The following CD58 variants were observed in gnomAD, a reference collection of about 807,000 sequenced individuals.
CD58 encodes lymphocyte function-associated antigen 3.
Under a neutral mutation model 27.6 loss-of-function variants are expected in CD58, and 14 were observed. That is an observed-to-expected ratio of 0.51 (90% confidence interval 0.34 to 0.79). CD58 has a LOEUF of 0.79. CD58 is among the 30% of genes least tolerant of loss of function. CD58 has a pLI of 0.02. For missense variants in CD58, 268 were observed against 301.7 expected (o/e 0.89, Z 0.83); for synonymous variants, 117 against 103.8 (o/e 1.13, Z -0.77).
In CD58 at chr1:116,570,344, G is replaced by A. The variant is rs3176851; in HGVS notation, c.70+559C>T. 1.2e-3 allele frequency among the ~76,000 whole-genome samples: 187 copies of A among 152,338 alleles called. No individual in the cohort carries two copies. Among genetic ancestry groups the A allele is most frequent in the African/African-American group, 4.3e-3 (178 of 41,582 alleles). ...GCACCACTTAGGAATCCCAACGTGAGGCCGCTGCCGACTGGGCTTCCTAGT... is the reference window on the plus strand; with the variant it reads ...GCACCACTTAGGAATCCCAACGTGAAGCCGCTGCCGACTGGGCTTCCTAGT... On this transcript the variant is annotated intron_variant, in intron 1 of 5. Coordinates refer to ENST00000369489, the MANE Select transcript of CD58 (RefSeq NM_001779.3). This position sits in a 1 kb window ranked among gnomAD's most constrained non-coding sequence, Gnocchi z 6.4.
Position 116,536,003 on chromosome 1 carries a change from G to C in CD58, c.590C>G (p.Thr197Arg). The C allele has an allele frequency of 6.2e-7, 1 of 1,612,146 alleles. No homozygotes were observed. Among genetic ancestry groups the C allele is most frequent in the Non-Finnish European group, 8.5e-7 (1 of 1,179,208 alleles). Residue 197 changes from threonine (T) to arginine (R), a missense_variant, in exon 3 of 6, where the codon ACA becomes AGA. Thr to Arg is a moderately conservative substitution (Grantham distance 71). Coordinates refer to ENST00000369489, the MANE Select transcript of CD58 (RefSeq NM_001779.3). This position sits in a 1 kb window ranked among gnomAD's most constrained non-coding sequence, Gnocchi z 5.4. ...CTLSNPLFNT[T>R]SSIILTTCIP... ...ACAGGTTGTCAAAATGATTGATGAT[G>C]TTGTATTAAATAATGGATTGCTAAG...
In CD58 at chr1:116,514,798, A is replaced by T. The variant is rs374215647; in HGVS notation, c.*15T>A. On this transcript the variant is annotated 3_prime_UTR_variant, in exon 6 of 6. Transcript: ENST00000369489. ...ATAATTTAGTTATGCTGTTGTCTTC[A>T]TCTTCTGTTACCAATCAATTGGAGC... The T allele has an allele frequency of 2.0e-6, 3 of 1,509,836 alleles. No individual in the cohort carries two copies. The highest frequency in any genetic ancestry group is 2.7e-6 in the Non-Finnish European group (3 of 1,091,252). The allele number at this position is 1,509,836 out of a possible 1,614,324, so 93.5% of individuals were successfully genotyped here. A position where few individuals can be genotyped will look rare whatever the true frequency, so the allele number is the denominator to read the frequency against.
In CD58 at chr1:116,517,782, C is replaced by G. The variant is rs1399919984; in HGVS notation, c.743+1449G>C. ...TGTCCAGATGAAGAGGCGCCCCAAT[C>G]CGTAACTCTAGCGTGAAGCCCACGC... On this transcript the variant is annotated intron_variant, in intron 5 of 5. Coordinates refer to ENST00000369489, the MANE Select transcript of CD58 (RefSeq NM_001779.3). The surrounding 1 kb of genome is among the most constrained non-coding windows in gnomAD (Gnocchi z 6.5). Among the ~76,000 whole-genome samples, 1 of 152,152 alleles carries G rather than the reference C, an allele frequency of 6.6e-6. No homozygotes were observed. The highest frequency in any genetic ancestry group is 2.4e-5 in the African/African-American group (1 of 41,422).
rs1439555104 is a variant in CD58, at chr1:116,531,123, T to C, written c.628+4842A>G. On this transcript the variant is annotated intron_variant, in intron 3 of 5. Transcript: ENST00000369489. The surrounding 1 kb of genome is among the most constrained non-coding windows in gnomAD (Gnocchi z 4.5). ...TTCAAATCAATAAGAGGAATATCAT[T>C]CCTCTTATGATCTTTTACCAGACTA... is the stretch of plus-strand genomic sequence containing the variant. Among the ~76,000 whole-genome samples the C allele has an allele frequency of 6.6e-6, 1 of 152,228 alleles. No homozygotes were observed. The highest frequency in any genetic ancestry group is 1.5e-5 in the Non-Finnish European group (1 of 68,038).
At chr1:116,518,073 T>G (rs983162687) in intron 5 of CD58, among the ~76,000 whole-genome samples, 4 of 152,228 alleles carry the variant, frequency 2.6e-5, no homozygotes, top group African/African-American at 9.6e-5. Flanking sequence ...GTTATTTCTA[T>G]GTGATTATCT....
At chr1:116,565,243 G>A (rs1398769999) in intron 1 of CD58, among the ~76,000 whole-genome samples, 1 of 152,086 alleles carries the variant, frequency 6.6e-6, no homozygotes, top group African/African-American at 2.4e-5. Context: ...ATATTTAAAA[G>A]GCCCTAAAAA....
At position 116,522,073 on chromosome 1, in the gene CD58, A is replaced by G. The variant is rs953557577; in HGVS notation, c.629-90T>C. 1.6e-6 allele frequency: 1 copy of G among 635,558 alleles called. No individual in the cohort carries two copies. Among genetic ancestry groups the G allele is most frequent in the Admixed American group, 3.0e-5 (1 of 33,802 alleles). The allele number at this position is 635,558 out of a possible 1,614,324, so 39.4% of individuals were successfully genotyped here. A position where few individuals can be genotyped will look rare whatever the true frequency, so the allele number is the denominator to read the frequency against. ...GCAGATTCCACCTTGCGGTTTGCTT[A>G]TTTACTGAAATTTATTTGTAATCCA... On this transcript the variant is annotated intron_variant, in intron 3 of 5. Transcript: ENST00000369489. The surrounding 1 kb of genome is among the most constrained non-coding windows in gnomAD (Gnocchi z 4.6).
Position 116,552,370 on chromosome 1 carries a change from C to T in CD58, c.71-7766G>A, listed in dbSNP as rs1167938816. Reference sequence around the variant, plus strand: ...GATCACTGATCACAGATCACCATAACAGATATGATAATGAAAAAGCGTTAA... The same window carrying T: ...GATCACTGATCACAGATCACCATAATAGATATGATAATGAAAAAGCGTTAA... On this transcript the variant is annotated intron_variant, in intron 1 of 5. Coordinates refer to ENST00000369489, the MANE Select transcript of CD58 (RefSeq NM_001779.3). The surrounding 1 kb of genome is among the most constrained non-coding windows in gnomAD (Gnocchi z 4.5). Among the ~76,000 whole-genome samples the T allele has an allele frequency of 6.6e-6, 1 of 152,156 alleles. No individual in the cohort carries two copies. The highest frequency in any genetic ancestry group is 2.4e-5 in the African/African-American group (1 of 41,426).
At chr1:116,567,390 C>T (rs1029891949) in intron 1 of CD58, among the ~76,000 whole-genome samples, 3 of 151,842 alleles carry the variant, frequency 2.0e-5, no homozygotes, top group South Asian at 2.1e-4. Context: ...AATCCCAACA[C>T]TTCGGTAGGC....
rs138573802 is a variant in CD58, at chr1:116,523,988, T to C, written c.629-2005A>G. 1.4e-3 allele frequency among the ~76,000 whole-genome samples: 215 copies of C among 152,264 alleles called. 3 individuals are homozygous for C. The highest frequency in any genetic ancestry group is 0.01 in the Middle Eastern group (3 of 294). ...ACTGATGTGTTTCAATCTACTGAAG[T>C]TGTTATTCTTATTGATGTTCCAATT... On this transcript the variant is annotated intron_variant, in intron 3 of 5. Coordinates refer to ENST00000369489, the MANE Select transcript of CD58 (RefSeq NM_001779.3). The surrounding 1 kb of genome is among the most constrained non-coding windows in gnomAD (Gnocchi z 4.4).
At chr1:116,567,785 G>C (rs1658989419) in intron 1 of CD58, among the ~76,000 whole-genome samples, 1 of 152,058 alleles carries the variant, frequency 6.6e-6, no homozygotes, top group Non-Finnish European at 1.5e-5. Flanking sequence ...TACTTACAAA[G>C]GTAAAATGGT....
Position 116,559,248 on chromosome 1 carries a change from T to C in CD58, c.70+11655A>G, listed in dbSNP as rs1658675959. 6.6e-6 allele frequency among the ~76,000 whole-genome samples: 1 copy of C among 152,114 alleles called. No individual in the cohort carries two copies. Among genetic ancestry groups the C allele is most frequent in the Admixed American group, 6.5e-5 (1 of 15,272 alleles). Reference sequence around the variant, plus strand: ...GTGAGAGTGAGAAAGGAGTTATTTCTTGAGAACACGCCTATCAAAGTAAGG... The same window carrying C: ...GTGAGAGTGAGAAAGGAGTTATTTCCTGAGAACACGCCTATCAAAGTAAGG... On this transcript the variant is annotated intron_variant, in intron 1 of 5. Coordinates refer to ENST00000369489, the MANE Select transcript of CD58 (RefSeq NM_001779.3). This position sits in a 1 kb window ranked among gnomAD's most constrained non-coding sequence, Gnocchi z 4.4.
Position 116,550,035 on chromosome 1 carries a change from A to T in CD58, c.71-5431T>A, listed in dbSNP as rs1181675427. The stretch of plus-strand genomic sequence containing the variant: ...TAAAAAATACTTTATTGCTGAAAAA[A>T]AAAACATGCTAACAATCATTTGAGC... On this transcript the variant is annotated intron_variant, in intron 1 of 5. Coordinates refer to ENST00000369489, the MANE Select transcript of CD58 (RefSeq NM_001779.3). The surrounding 1 kb of genome is among the most constrained non-coding windows in gnomAD (Gnocchi z 4.2). Among the ~76,000 whole-genome samples, 3 of 152,210 alleles carry T rather than the reference A, an allele frequency of 2.0e-5. No individual in the cohort carries two copies. Among genetic ancestry groups the T allele is most frequent in the African/African-American group, 7.2e-5 (3 of 41,452 alleles).
rs1658199579 is a variant in CD58, at chr1:116,546,964, A to G, written c.71-2360T>C. On this transcript the variant is annotated intron_variant, in intron 1 of 5. Transcript: ENST00000369489. This position sits in a 1 kb window ranked among gnomAD's most constrained non-coding sequence, Gnocchi z 4.1. ...TTTGATGATCCACTTTCACTTAGTA[A>G]GTATATTTTCTTCCTTATGCTTTTT... is the stretch of plus-strand genomic sequence containing the variant. 6.6e-6 allele frequency among the ~76,000 whole-genome samples: 1 copy of G among 152,028 alleles called. No homozygotes were observed. The highest frequency in any genetic ancestry group is 2.1e-4 in the South Asian group (1 of 4,814).
intron 1 of CD58, among the ~76,000 whole-genome samples, chr1:116,551,471 C>G (rs529321996): frequency 1.3e-5 from 2 of 152,218 alleles, no homozygotes; most frequent in Non-Finnish European, 2.9e-5. Flanking sequence ...CCTCTCTCAG[C>G]CTTCACAGAA....
rs1019260177 is a variant in CD58 at position 116,563,346 on chromosome 1, C to T, written c.70+7557G>A. On this transcript the variant is annotated intron_variant, in intron 1 of 5. Coordinates refer to ENST00000369489, the MANE Select transcript of CD58 (RefSeq NM_001779.3). This position sits in a 1 kb window ranked among gnomAD's most constrained non-coding sequence, Gnocchi z 4.1. ...AGTGTCTGTGGCTTTTCCAGGTACA[C>T]GGTGCAAGCTCTCGGTGGATCTACC... Among the ~76,000 whole-genome samples, 4 of 151,886 alleles carry T rather than the reference C, an allele frequency of 2.6e-5. No homozygotes were observed. Among genetic ancestry groups the T allele is most frequent in the East Asian group, 1.9e-4 (1 of 5,154 alleles).
In CD58 at chr1:116,536,086, G is replaced by A; in HGVS notation, c.507C>T (p.Asn169=). 1 of 1,613,786 alleles carries A rather than the reference G, an allele frequency of 6.2e-7. No individual in the cohort carries two copies. The highest frequency in any genetic ancestry group is 8.5e-7 in the Non-Finnish European group (1 of 1,179,842). The change falls in exon 3 of 6, where the codon AAC becomes AAT. Residue 169 remains asparagine (N), a synonymous_variant. Coordinates refer to ENST00000369489, the MANE Select transcript of CD58 (RefSeq NM_001779.3). The surrounding 1 kb of genome is among the most constrained non-coding windows in gnomAD (Gnocchi z 5.4). ...WDCPMEQCKR[N]STSIYFKMEN... ...CCATCTTAAAATATATACTGGTTGAGTTACGTTTACATTGCTCCATAGGAC... is the reference window on the plus strand; with the variant it reads ...CCATCTTAAAATATATACTGGTTGAATTACGTTTACATTGCTCCATAGGAC...
At chr1:116,544,056 C>T (rs1306259824) in intron 2 of CD58, among the ~76,000 whole-genome samples, 1 of 152,212 alleles carries the variant, frequency 6.6e-6, no homozygotes, top group Non-Finnish European at 1.5e-5. Context: ...GCTGTCACTA[C>T]ATCTCTTTCC....
Position 116,531,601 on chromosome 1 carries a change from T to G in CD58, c.628+4364A>C, listed in dbSNP as rs1010670316. ...TTGCTCCAAGCTTAACTATTTTAAC[T>G]TTGCAGCTCGTTTTAAAAACTTCTT... On this transcript the variant is annotated intron_variant, in intron 3 of 5. Transcript: ENST00000369489. This position sits in a 1 kb window ranked among gnomAD's most constrained non-coding sequence, Gnocchi z 4.5. 2.6e-5 allele frequency among the ~76,000 whole-genome samples: 4 copies of G among 152,242 alleles called. No homozygotes were observed. The East Asian group carries it at 7.7e-4, about 29-fold the overall frequency.
Sources: allele counts gnomAD v4.1 joint callset (sites outside exome capture counted in the v4.1 genomes callset), GRCh38; gene constraint gnomAD v4.1.1; non-coding constraint Gnocchi (gnomAD v3.1); transcripts MANE v1.5; gene names NCBI Gene and HGNC (gene_info 2026-07-23, HGNC 2026-07-21).